Variants in SPIRE1 observed in about 807,000 individuals in gnomAD.
SPIRE1 encodes protein spire homolog 1.
In SPIRE1, 40 loss-of-function variants were observed where a neutral mutation model predicts 94.1. The ratio of observed to expected loss-of-function variants is 0.43; its 90% CI spans 0.33 to 0.55. The LOEUF (loss-of-function observed/expected upper bound fraction) is 0.55. Among genes scored for constraint, SPIRE1 ranks in the 20% least tolerant of loss-of-function variants. The pLI is 0.06. For missense variants in SPIRE1, 838 were observed against 975.2 expected, an observed-to-expected ratio of 0.86 and a Z score of 1.87; for synonymous variants, 376 against 371.7, an observed-to-expected ratio of 1.01 and a Z score of -0.13.
At chr18:12,501,464 G>A (rs73403763) in intron 6 of SPIRE1, among the ~76,000 whole-genome samples, 6,831 of 152,262 alleles carry the variant, frequency 0.045, 171 homozygotes, top group South Asian at 0.092. Flanking sequence ...AGCTAACTGC[G>A]ACTGCGCCTC....
intron 4 of SPIRE1, among the ~76,000 whole-genome samples, chr18:12,519,344 GCA>G (rs2034292920): frequency 6.6e-6 from 1 of 151,744 alleles, no homozygotes; most frequent in Admixed American, 6.6e-5. Context: ...ACACACATGT[GCA>G]CACACGCACG....
chr18:12,619,806 A>G (rs2037414618), intron 2 of SPIRE1, among the ~76,000 whole-genome samples: 2 of 146,736 alleles, frequency 1.4e-5, no homozygotes, highest in Admixed American at 1.4e-4. Flanking sequence ...AGATCGCGGC[A>G]CTGCACTCCA....
chr18:12,623,924 G>A (rs2037547479), intron 2 of SPIRE1, among the ~76,000 whole-genome samples: 2 of 149,676 alleles, frequency 1.3e-5, no homozygotes, highest in African/African-American at 2.5e-5. Context: ...CACTGCACTC[G>A]GCCTTTTTTT....
chr18:12,570,563 G>A (rs1046277718), intron 2 of SPIRE1, among the ~76,000 whole-genome samples: 4 of 152,142 alleles, frequency 2.6e-5, no homozygotes, highest in African/African-American at 7.2e-5. Flanking sequence ...ACTTCATTAG[G>A]AGTATGTTTT....
intron 8 of SPIRE1, 90 bp from the exon 9 acceptor site, chr18:12,486,090 A>T (rs1034255438): frequency 3.2e-6 from 3 of 935,466 alleles, no homozygotes; most frequent in Non-Finnish European, 3.2e-6. Flanking sequence ...ATTAATGAAG[A>T]CCCTTAGTGG....
chr18:12,529,807 C>G (rs1231002280), intron 4 of SPIRE1, among the ~76,000 whole-genome samples: 2 of 152,154 alleles, frequency 1.3e-5, no homozygotes, highest in African/African-American at 4.8e-5. Flanking sequence ...GAGATTAGGA[C>G]ATTAAAAACC....
At chr18:12,655,383 T>C (rs1485413185) in intron 1 of SPIRE1, among the ~76,000 whole-genome samples, 1 of 152,228 alleles carries the variant, frequency 6.6e-6, no homozygotes, top group Non-Finnish European at 1.5e-5. Context: ...AGACTGTATC[T>C]TCCTGAGCCA....
intron 1 of SPIRE1, among the ~76,000 whole-genome samples, chr18:12,637,324 A>T (rs921785423): frequency 6.9e-6 from 1 of 145,348 alleles, no homozygotes; most frequent in Non-Finnish European, 1.5e-5. Flanking sequence ...GCGCCGGTGC[A>T]CTCCAGCCTG....
chr18:12,524,801 C>G (rs1160020111), intron 4 of SPIRE1, among the ~76,000 whole-genome samples: 1 of 151,786 alleles, frequency 6.6e-6, no homozygotes, highest in African/African-American at 2.4e-5. Flanking sequence ...TAGCAAGACC[C>G]CATCTCCACA....
At chr18:12,500,066 A>G (rs1272074381) in intron 6 of SPIRE1, among the ~76,000 whole-genome samples, 2 of 152,212 alleles carry the variant, frequency 1.3e-5, no homozygotes, top group Admixed American at 1.3e-4. Context: ...TATAAGTGGA[A>G]GCTAATAATG....
intron 2 of SPIRE1, among the ~76,000 whole-genome samples, chr18:12,598,855 C>T (rs1450517921): frequency 6.6e-6 from 1 of 152,152 alleles, no homozygotes; most frequent in African/African-American, 2.4e-5. Flanking sequence ...GGAGTTCTAG[C>T]TTCTGAGCCA....
At chr18:12,509,857 C>T (rs1018257296) in intron 5 of SPIRE1, among the ~76,000 whole-genome samples, 4 of 152,114 alleles carry the variant, frequency 2.6e-5, no homozygotes, top group Admixed American at 1.3e-4. Flanking sequence ...CCAAGGCGGG[C>T]GGATCACCAG....
chr18:12,629,095 C>T (rs1423283205), intron 2 of SPIRE1, among the ~76,000 whole-genome samples: 1 of 152,122 alleles, frequency 6.6e-6, no homozygotes, highest in Non-Finnish European at 1.5e-5. Flanking sequence ...ATACTTTAAC[C>T]TATTCCACTT....
At chr18:12,655,103 AG>A (rs1407092915) in intron 1 of SPIRE1, among the ~76,000 whole-genome samples, 2 of 152,056 alleles carry the variant, frequency 1.3e-5, no homozygotes, top group African/African-American at 4.8e-5. Context: ...CTGTAACCCC[AG>A]CACTTTAGCA....
At chr18:12,468,038 C>T (rs2032195410) in intron 10 of SPIRE1, among the ~76,000 whole-genome samples, 1 of 152,128 alleles carries the variant, frequency 6.6e-6, no homozygotes, top group South Asian at 2.1e-4. Flanking sequence ...GATCACGTTT[C>T]TTTACTCCAG....
At chr18:12,597,627 T>C (rs2036714029) in intron 2 of SPIRE1, among the ~76,000 whole-genome samples, 1 of 152,222 alleles carries the variant, frequency 6.6e-6, no homozygotes, top group Non-Finnish European at 1.5e-5. Context: ...ATTTGCTGTA[T>C]AGTAATAATT....
intron 2 of SPIRE1, among the ~76,000 whole-genome samples, chr18:12,602,771 G>A (rs2036872996): frequency 1.3e-5 from 2 of 152,166 alleles, no homozygotes; most frequent in Admixed American, 1.3e-4. Flanking sequence ...TGTGAAGGCT[G>A]TGCAGATTAC....
intron 10 of SPIRE1, among the ~76,000 whole-genome samples, chr18:12,467,271 CTG>C (rs1568188161): frequency 6.6e-6 from 1 of 152,058 alleles, no homozygotes; most frequent in Admixed American, 6.6e-5. Flanking sequence ...GAGCAAGACT[CTG>C]TCTCAAAAAA....
At chr18:12,609,270 T>C (rs1436339113) in intron 2 of SPIRE1, among the ~76,000 whole-genome samples, 2 of 152,116 alleles carry the variant, frequency 1.3e-5, no homozygotes. Flanking sequence ...TTAAGGAAAA[T>C]AGAGTCTGCT....
Sources: allele counts gnomAD v4.1 joint callset (sites outside exome capture counted in the v4.1 genomes callset), GRCh38; gene constraint gnomAD v4.1.1; transcripts MANE v1.5; gene names NCBI Gene and HGNC (gene_info 2026-07-23, HGNC 2026-07-21).